Variants in MUSK observed in about 807,000 individuals in gnomAD.
MUSK encodes muscle associated receptor tyrosine kinase.
Under a neutral mutation model 88.7 loss-of-function variants are expected in MUSK, and 55 were observed. The ratio of observed to expected loss-of-function variants is 0.62; its 90% CI spans 0.50 to 0.78. The LOEUF (loss-of-function observed/expected upper bound fraction) is 0.78, where lower values mean the gene tolerates loss of function less well. Among genes scored for constraint, MUSK ranks in the 30% least tolerant of loss-of-function variants. The pLI, the probability that MUSK is intolerant of heterozygous loss-of-function variation, is 0.00. For synonymous variants in MUSK, 387 were observed against 391.9 expected, an observed-to-expected ratio of 0.99 and a Z score of 0.15; for missense variants, 1,015 against 1,074.3, an observed-to-expected ratio of 0.94 and a Z score of 0.77.
intron 5 of MUSK, among the ~76,000 whole-genome samples, chr9:110,725,942 G>T (rs959544163): frequency 1.3e-5 from 2 of 151,968 alleles, no homozygotes; most frequent in African/African-American, 4.8e-5. Flanking sequence ...AGCAGGATAT[G>T]TGGAAAAACT....
chr9:110,707,773 C>A (rs1225702330), intron 5 of MUSK, among the ~76,000 whole-genome samples: 1 of 152,132 alleles, frequency 6.6e-6, no homozygotes, highest in Non-Finnish European at 1.5e-5. Context: ...TATTGTAGGG[C>A]TCCTTCATGT....
intron 10 of MUSK, 146 bp downstream of exon 10, chr9:110,776,109 C>T (rs1156889016): frequency 1.6e-5 from 12 of 744,398 alleles, no homozygotes; most frequent in African/African-American, 3.5e-5. Flanking sequence ...TACCTACTAG[C>T]GGAATCCTAA....
intron 3 of MUSK, among the ~76,000 whole-genome samples, chr9:110,690,346 A>G (rs1172373612): frequency 3.6e-5 from 4 of 109,836 alleles, no homozygotes; most frequent in Non-Finnish European, 6.6e-5. Context: ...AAGTATATAT[A>G]TATTTAAATA....
chr9:110,779,453 G>A (rs1330984255), intron 11 of MUSK, among the ~76,000 whole-genome samples: 5 of 152,072 alleles, frequency 3.3e-5, no homozygotes, highest in Admixed American at 1.3e-4. Flanking sequence ...CAATCTCTCT[G>A]TAGTCTTCTC....
intron 5 of MUSK, among the ~76,000 whole-genome samples, chr9:110,721,436 T>A (rs2076810001): frequency 6.6e-6 from 1 of 152,142 alleles, no homozygotes; most frequent in Admixed American, 6.6e-5. Context: ...AGTTCTCCTA[T>A]ACAGCAACAG....
chr9:110,784,590 AAAAACCT>A (rs1205929604), intron 11 of MUSK, among the ~76,000 whole-genome samples: 5 of 152,136 alleles, frequency 3.3e-5, no homozygotes, highest in Non-Finnish European at 5.9e-5. Flanking sequence ...CTCAGAAAAA[AAAAACCT>A]ATTTCCTCTC....
chr9:110,778,426 A>G (rs776902720), intron 11 of MUSK, among the ~76,000 whole-genome samples: 3 of 152,130 alleles, frequency 2.0e-5, no homozygotes, highest in Non-Finnish European at 2.9e-5. Flanking sequence ...AATCATTGAA[A>G]TAATTACTTT....
chr9:110,754,016 C>T (rs189961804), intron 7 of MUSK, among the ~76,000 whole-genome samples: 5 of 152,274 alleles, frequency 3.3e-5, no homozygotes, highest in East Asian at 1.9e-4. Context: ...AGCAGTAGCA[C>T]GTAATTTGCT....
chr9:110,755,969 TATATATATAC>T (rs1420905640), intron 7 of MUSK, among the ~76,000 whole-genome samples: 10 of 92,412 alleles, frequency 1.1e-4, no homozygotes, highest in Non-Finnish European at 2.1e-4. Flanking sequence ...TATATACATA[TATATATATAC>T]ATATATATAT....
At chr9:110,757,657 A>C (rs1482041311) in intron 7 of MUSK, among the ~76,000 whole-genome samples, 1 of 151,734 alleles carries the variant, frequency 6.6e-6, no homozygotes, top group Non-Finnish European at 1.5e-5. Flanking sequence ...GTCAAAAAAA[A>C]AAAGTCTTTT....
chr9:110,669,289 G>A (rs1231407043), intron 1 of MUSK, among the ~76,000 whole-genome samples: 1 of 152,138 alleles, frequency 6.6e-6, no homozygotes. Flanking sequence ...TTGTTTATGC[G>A]AATGTCAAAT....
intron 7 of MUSK, among the ~76,000 whole-genome samples, chr9:110,761,540 A>C (rs1029743287): frequency 8.8e-6 from 1 of 113,944 alleles, no homozygotes; most frequent in Non-Finnish European, 1.8e-5. Context: ...TGCTTTATGC[A>C]TCTTCTCTGT....
chr9:110,775,713 G>A, intron 9 of MUSK, 75 bp from the exon 10 acceptor site: 7 of 1,385,544 alleles, frequency 5.1e-6, no homozygotes, highest in Non-Finnish European at 7.2e-6. Context: ...TGAAAACACA[G>A]AATTTAGGCT....
intron 5 of MUSK, among the ~76,000 whole-genome samples, chr9:110,714,578 C>T (rs1373727106): frequency 6.6e-6 from 1 of 152,162 alleles, no homozygotes; most frequent in Non-Finnish European, 1.5e-5. Context: ...AGTGGCAGTA[C>T]ACCAGGATCG....
chr9:110,688,570 T>G (rs1250661339), intron 3 of MUSK, among the ~76,000 whole-genome samples: 2 of 152,012 alleles, frequency 1.3e-5, no homozygotes, highest in African/African-American at 2.4e-5. Flanking sequence ...ATCACCTAGG[T>G]ATTAAGCCTA....
intron 1 of MUSK, among the ~76,000 whole-genome samples, chr9:110,681,638 C>T (rs1473888636): frequency 6.6e-6 from 1 of 151,930 alleles, no homozygotes; most frequent in Non-Finnish European, 1.5e-5. Context: ...GACAAAATAA[C>T]ATTAGCAAGG....
intron 11 of MUSK, among the ~76,000 whole-genome samples, chr9:110,782,998 G>A (rs907003977): frequency 1.3e-5 from 2 of 152,118 alleles, no homozygotes; most frequent in African/African-American, 4.8e-5. Flanking sequence ...TAATCACTGG[G>A]TCCACTTCAT....
At chr9:110,707,190 T>C (rs1336024511) in intron 5 of MUSK, among the ~76,000 whole-genome samples, 3 of 152,066 alleles carry the variant, frequency 2.0e-5, no homozygotes, top group Non-Finnish European at 4.4e-5. Flanking sequence ...ATCTCTACAC[T>C]GAAGTAAAAT....
rs1365226915 is a variant in MUSK, at chr9:110,799,030, A to G, written c.1928-1276A>G. ...AACAATGGTAAAGCCAGTTGATGAG[A>G]TAGGTAAGTCCCTGTTAACTAAAGA... On this transcript the variant is annotated intron_variant, in intron 14 of 14. Coordinates refer to ENST00000374448, the MANE Select transcript of MUSK (RefSeq NM_005592.4). Among the ~76,000 whole-genome samples, 6 of 152,300 alleles carry G rather than the reference A, an allele frequency of 3.9e-5. No individual in the cohort carries two copies. The South Asian group carries it at 8.3e-4, about 21-fold the overall frequency.
Sources: allele counts gnomAD v4.1 joint callset (sites outside exome capture counted in the v4.1 genomes callset), GRCh38; gene constraint gnomAD v4.1.1; transcripts MANE v1.5; gene names NCBI Gene and HGNC (gene_info 2026-07-23, HGNC 2026-07-21).